The following DLGAP2 variants were observed in gnomAD, a reference collection of about 807,000 sequenced individuals.
The protein encoded by DLGAP2 is disks large-associated protein 2.
In DLGAP2, 26 loss-of-function variants were observed where a neutral mutation model predicts 100.3. The ratio of observed to expected loss-of-function variants is 0.26; its 90% confidence interval spans 0.19 to 0.36. DLGAP2 has a LOEUF of 0.36. Ranked by LOEUF, DLGAP2 falls within the 10% of genes least tolerant of loss-of-function variation. The probability of loss-of-function intolerance (pLI) is 1.00; values close to 1 mark genes in which losing one functional copy is unlikely to be tolerated. For synonymous variants in DLGAP2, 886 were observed against 630.1 expected (o/e 1.41, Z -6.08); for missense variants, 1,858 against 1,453.2 (o/e 1.28, Z -4.53).
At chr8:1,178,931 C>T (rs923129029) in intron 2 of DLGAP2, among the ~76,000 whole-genome samples, 6 of 152,226 alleles carry the variant, frequency 3.9e-5, no homozygotes, top group African/African-American at 1.2e-4. Context: ...GGCACACCGG[C>T]CTCTGCACCT....
At chr8:1,372,099 G>A (rs1286215296) in intron 3 of DLGAP2, among the ~76,000 whole-genome samples, 1 of 152,182 alleles carries the variant, frequency 6.6e-6, no homozygotes, top group Non-Finnish European at 1.5e-5. Flanking sequence ...GGGCAGCTGG[G>A]GACAGCTCTG....
At chr8:1,628,795 AAG>A (rs945477585) in intron 7 of DLGAP2, among the ~76,000 whole-genome samples, 93 of 152,146 alleles carry the variant, frequency 6.1e-4, no homozygotes, top group African/African-American at 2.2e-3. Context: ...CGCAGGGATT[AAG>A]AGCCTGAGCC....
At chr8:1,592,180 G>A (rs989540273) in intron 6 of DLGAP2, among the ~76,000 whole-genome samples, 19 of 152,146 alleles carry the variant, frequency 1.2e-4, no homozygotes, top group African/African-American at 4.1e-4. Flanking sequence ...TCTCCTGGCC[G>A]CAGCTCTCCA....
intron 2 of DLGAP2, among the ~76,000 whole-genome samples, chr8:1,202,626 A>G (rs1797903900): frequency 6.6e-6 from 1 of 152,156 alleles, no homozygotes; most frequent in Non-Finnish European, 1.5e-5. Context: ...TCACAGGCAG[A>G]GGCTCTGGGG....
rs1203316987 is a variant in DLGAP2 at position 1,707,280 on chromosome 8, C to A, written c.*5874C>A. On this transcript the variant is annotated 3_prime_UTR_variant, in exon 15 of 15. Transcript: ENST00000637795. The stretch of plus-strand genomic sequence containing the variant: ...CAGGTTTCTTGGACAAATTTAAGTT[C>A]AAATTTATCTCTTTCAAGTAGACCA... 2 of 152,472 alleles carry A rather than the reference C, an allele frequency of 1.3e-5. No individual in the cohort carries two copies. The highest frequency in any genetic ancestry group is 2.9e-5 in the Non-Finnish European group (2 of 68,024). 9.4% of individuals were successfully genotyped at this position (152,472 alleles called of 1,614,324 possible).
At chr8:1,075,315 G>A (rs1252538429) in intron 2 of DLGAP2, among the ~76,000 whole-genome samples, 3 of 152,182 alleles carry the variant, frequency 2.0e-5, no homozygotes, top group Admixed American at 6.5e-5. Context: ...AGGAGAGCAG[G>A]CGATGCGGAT....
At chr8:1,267,635 A>AAAATAAAATAAAATAAAATCAAAT (rs1563052144) in intron 3 of DLGAP2, among the ~76,000 whole-genome samples, 1 of 112,978 alleles carries the variant, frequency 8.9e-6, no homozygotes, top group Non-Finnish European at 1.8e-5. Context: ...AATATTAAAT[A>AAAATAAAATAAAATAAAATCAAAT]GGTCTACAAA....
At chr8:1,244,178 T>C (rs1563276558) in intron 2 of DLGAP2, among the ~76,000 whole-genome samples, 1 of 152,192 alleles carries the variant, frequency 6.6e-6, no homozygotes, top group Non-Finnish European at 1.5e-5. Flanking sequence ...TGCCTCTGAG[T>C]GCGATACGGT....
intron 2 of DLGAP2, among the ~76,000 whole-genome samples, chr8:961,774 T>C (rs561139581): frequency 6.6e-6 from 1 of 152,244 alleles, no homozygotes; most frequent in Non-Finnish European, 1.5e-5. Context: ...GTTAAAGTTA[T>C]ACGTTTGTGT....
At chr8:972,107 A>G (rs1420935751) in intron 2 of DLGAP2, among the ~76,000 whole-genome samples, 1 of 152,226 alleles carries the variant, frequency 6.6e-6, no homozygotes, top group Non-Finnish European at 1.5e-5. Context: ...AACAAGGACA[A>G]CACAGGACAT....
In DLGAP2 at chr8:1,705,190, G is replaced by A. The variant is rs2469704; in HGVS notation, c.*3784G>A. The A allele has an allele frequency of 6.6e-6, 1 of 152,402 alleles. No homozygotes were observed. The highest frequency in any genetic ancestry group is 2.1e-4 in the South Asian group (1 of 4,822). 9.4% of individuals were successfully genotyped at this position (152,402 alleles called of 1,614,324 possible). On this transcript the variant is annotated 3_prime_UTR_variant, in exon 15 of 15. Transcript: ENST00000637795. ...GTGCCAAACCTTCGAGGGGCGAGTA[G>A]GGAGTGGGGGAGGTGGGTCCAAGTC...
intron 2 of DLGAP2, among the ~76,000 whole-genome samples, chr8:1,230,040 G>T (rs1798503022): frequency 6.6e-6 from 1 of 152,110 alleles, no homozygotes; most frequent in Non-Finnish European, 1.5e-5. Context: ...CGTAGTAAAA[G>T]ACATCCAAAT....
At chr8:1,287,835 T>C (rs1297862229) in intron 3 of DLGAP2, among the ~76,000 whole-genome samples, 1 of 138,342 alleles carries the variant, frequency 7.2e-6, no homozygotes, top group Non-Finnish European at 1.6e-5. Flanking sequence ...TGGTTCAGCG[T>C]GTGTGTGTGT....
At chr8:1,505,778 C>G (rs936229589) in intron 4 of DLGAP2, among the ~76,000 whole-genome samples, 3 of 152,176 alleles carry the variant, frequency 2.0e-5, no homozygotes, top group African/African-American at 7.2e-5. Flanking sequence ...ACTTTTGTAA[C>G]ATTGGCTCAT....
intron 3 of DLGAP2, among the ~76,000 whole-genome samples, chr8:1,425,686 G>A (rs1464972599): frequency 6.6e-6 from 1 of 152,182 alleles, no homozygotes; most frequent in Non-Finnish European, 1.5e-5. Context: ...GGCAAGATGA[G>A]GCTCCTGTCC....
intron 2 of DLGAP2, among the ~76,000 whole-genome samples, chr8:1,135,776 A>T (rs1007190241): frequency 5.3e-5 from 8 of 152,148 alleles, no homozygotes; most frequent in Non-Finnish European, 1.5e-5. Context: ...GGACAGTATG[A>T]GCTGGTGATA....
Position 1,441,405 on chromosome 8 carries a change from C to G in DLGAP2, c.107-59961C>G, listed in dbSNP as rs548877224. 2.0e-5 allele frequency among the ~76,000 whole-genome samples: 3 copies of G among 152,206 alleles called. No homozygotes were observed. The South Asian group carries it at 6.2e-4, about 32-fold the overall frequency. On this transcript the variant is annotated intron_variant, in intron 3 of 14. Transcript: ENST00000637795. ...ACCTAAGGCCCCATTTAAAGTAGAA[C>G]TTGGCCGGGCATGGTGGCTCACTCC...
chr8:1,668,699 G>C (rs759513580), intron 9 of DLGAP2, 21 bp downstream of exon 9: 2 of 1,500,398 alleles, frequency 1.3e-6, no homozygotes. Context: ...TTGGCCGCCC[G>C]TCAGGGCCTC....
chr8:1,586,056 A>T (rs1796108705), intron 6 of DLGAP2, among the ~76,000 whole-genome samples: 3 of 152,326 alleles, frequency 2.0e-5, no homozygotes, highest in South Asian at 2.1e-4. Context: ...GCTGTCATAA[A>T]AACTGCCACA....
Sources: gnomAD v4.1 joint callset for allele counts (sites outside exome capture counted in the v4.1 genomes callset) on GRCh38, gnomAD v4.1.1 for gene constraint, MANE v1.5 for transcripts, NCBI Gene and HGNC (gene_info 2026-07-23, HGNC 2026-07-21) for gene names.